TMEM38B: variants seen among roughly 807,000 people sequenced by gnomAD.
The protein encoded by TMEM38B is transmembrane protein 38B.
In TMEM38B, 24 loss-of-function variants were observed where a neutral mutation model predicts 28.7. That is an observed-to-expected ratio of 0.84 (90% CI 0.61 to 1.18). TMEM38B has a LOEUF of 1.18. TMEM38B is among the 50% of genes most tolerant of loss of function. TMEM38B has a pLI of 0.00. For missense variants in TMEM38B, 380 were observed against 350.9 expected (o/e 1.08, Z -0.66); for synonymous variants, 131 against 127.7 (o/e 1.03, Z -0.17).
chr9:105,760,127 T>G, intron 5 of TMEM38B: 1 of 879,870 alleles, frequency 1.1e-6, no homozygotes, highest in Non-Finnish European at 1.9e-6. Context: ...GCGCTACAAT[T>G]GTGTCGTTTG....
intron 4 of TMEM38B, among the ~76,000 whole-genome samples, chr9:105,733,423 T>TTC (rs1554778349): frequency 1.4e-5 from 2 of 146,604 alleles, no homozygotes; most frequent in African/African-American, 5.0e-5. Context: ...TCTTTTTTCT[T>TTC]TTTTTTTTTT....
chr9:105,764,909 C>T (rs956725450), intron 5 of TMEM38B, among the ~76,000 whole-genome samples: 1 of 151,994 alleles, frequency 6.6e-6, no homozygotes, highest in Non-Finnish European at 1.5e-5. Context: ...ACAGAACAGA[C>T]CCCTCAGAAA....
chr9:105,748,262 C>A, intron 5 of TMEM38B, 72 bp downstream of exon 5: 2 of 1,110,790 alleles, frequency 1.8e-6, no homozygotes, highest in Non-Finnish European at 2.7e-6. Context: ...ATTTTGCATG[C>A]TGGGCAAGTA....
intron 5 of TMEM38B, among the ~76,000 whole-genome samples, chr9:105,769,605 G>A (rs1199099104): frequency 6.6e-6 from 1 of 152,176 alleles, no homozygotes; most frequent in African/African-American, 2.4e-5. Flanking sequence ...CTGTTGATGA[G>A]GCTGTGGAGA....
chr9:105,747,686 T>G (rs1163829984), intron 4 of TMEM38B, among the ~76,000 whole-genome samples: 5 of 152,294 alleles, frequency 3.3e-5, no homozygotes, highest in African/African-American at 1.2e-4. Context: ...CAATTTTAGA[T>G]CTTTCCTGCT....
chr9:105,716,190 G>T (rs1335600445), intron 2 of TMEM38B, among the ~76,000 whole-genome samples: 1 of 152,090 alleles, frequency 6.6e-6, no homozygotes, highest in Non-Finnish European at 1.5e-5. Context: ...GGGGAGCTCA[G>T]GCTTGATTCT....
intron 5 of TMEM38B, chr9:105,759,503 G>T: frequency 6.3e-7 from 1 of 1,582,506 alleles, no homozygotes; most frequent in Non-Finnish European, 8.6e-7. Flanking sequence ...GACATAATGG[G>T]AGGAAGCTGT....
chr9:105,758,485 A>T, intron 5 of TMEM38B: 1 of 1,298,540 alleles, frequency 7.7e-7, no homozygotes, highest in Non-Finnish European at 1.1e-6. Context: ...GATTGGCTTT[A>T]TGACCTATTA....
intron 4 of TMEM38B, among the ~76,000 whole-genome samples, chr9:105,744,150 G>T (rs1333970803): frequency 2.6e-5 from 4 of 151,724 alleles, no homozygotes; most frequent in African/African-American, 7.3e-5. Flanking sequence ...AACCAGCAAA[G>T]AATTCGTATG....
chr9:105,704,031 A>G (rs1010790618), intron 1 of TMEM38B, among the ~76,000 whole-genome samples: 56 of 142,866 alleles, frequency 3.9e-4, no homozygotes, highest in Admixed American at 1.1e-3. Flanking sequence ...GAATTGAACA[A>G]TGAGATCACA....
Position 105,721,543 on chromosome 9 carries a change from T to C in TMEM38B, c.276T>C (p.Ile92=), listed in dbSNP as rs1836317197. 6.3e-7 allele frequency: 1 copy of C among 1,594,328 alleles called. No individual in the cohort carries two copies. The highest frequency in any genetic ancestry group is 1.8e-5 in the Admixed American group (1 of 56,156). ...GTTTACATTTCATTTTCAGGTATAT[T>C]ACATTTTTTTGCCCGCATGACCTAG... The part of the protein sequence containing the change: ...NILLASSIWY[I]TFFCPHDLVS... The change falls in exon 3 of 6, where the codon ATT becomes ATC. Residue 92 remains isoleucine (I), a synonymous_variant. Coordinates refer to ENST00000374692, the MANE Select transcript of TMEM38B (RefSeq NM_018112.3).
chr9:105,713,380 C>T (rs1307080393), intron 2 of TMEM38B, among the ~76,000 whole-genome samples: 2 of 152,206 alleles, frequency 1.3e-5, no homozygotes. Flanking sequence ...TGCCTGCTCC[C>T]GCTGCCTGGC....
At chr9:105,771,421 G>A (rs1250496856) in intron 5 of TMEM38B, among the ~76,000 whole-genome samples, 1 of 152,062 alleles carries the variant, frequency 6.6e-6, no homozygotes, top group East Asian at 1.9e-4. Context: ...TTTGGGAGTG[G>A]AGATTCTATT....
intron 1 of TMEM38B, among the ~76,000 whole-genome samples, chr9:105,703,944 A>C (rs886490295): frequency 6.6e-6 from 1 of 152,118 alleles, no homozygotes; most frequent in African/African-American, 2.4e-5. Context: ...GATTCTGATG[A>C]AACTGGAAAT....
chr9:105,761,106 A>G (rs1295981400), intron 5 of TMEM38B, among the ~76,000 whole-genome samples: 2 of 152,234 alleles, frequency 1.3e-5, no homozygotes, highest in African/African-American at 4.8e-5. Flanking sequence ...ATTTATCTGC[A>G]TATGTGCAAG....
At chr9:105,733,303 C>G (rs897045865) in intron 4 of TMEM38B, among the ~76,000 whole-genome samples, 4 of 151,860 alleles carry the variant, frequency 2.6e-5, no homozygotes, top group Admixed American at 1.3e-4. Context: ...ACAGCCATCT[C>G]TTGATGGACA....
intron 4 of TMEM38B, among the ~76,000 whole-genome samples, chr9:105,735,407 A>G (rs1389850724): frequency 4.6e-5 from 7 of 152,212 alleles, no homozygotes; most frequent in Admixed American, 1.3e-4. Flanking sequence ...ACATACTTTC[A>G]TGATAGTAAT....
intron 5 of TMEM38B, among the ~76,000 whole-genome samples, chr9:105,767,218 T>C (rs1826404564): frequency 6.6e-6 from 1 of 152,064 alleles, no homozygotes; most frequent in Non-Finnish European, 1.5e-5. Flanking sequence ...TTTCCCTCAT[T>C]GAATGATCTT....
intron 4 of TMEM38B, among the ~76,000 whole-genome samples, chr9:105,727,803 C>T (rs557834049): frequency 6.6e-6 from 1 of 152,106 alleles, no homozygotes; most frequent in African/African-American, 2.4e-5. Flanking sequence ...GGGGTGGATC[C>T]CTCATGAATT....
Sources: allele counts gnomAD v4.1 joint callset (sites outside exome capture counted in the v4.1 genomes callset), GRCh38; gene constraint gnomAD v4.1.1; transcripts MANE v1.5; gene names NCBI Gene and HGNC (gene_info 2026-07-23, HGNC 2026-07-21).